Variants in LGSN observed in about 807,000 individuals in gnomAD.
LGSN encodes the protein lengsin.
LGSN carries 21 observed loss-of-function variants against 19.5 expected under a neutral mutation model. That is an observed-to-expected ratio of 1.07 (90% CI 0.76 to 1.55). LGSN has a LOEUF of 1.55. Among genes scored for constraint, LGSN ranks in the 40% most tolerant of loss-of-function variants. The pLI is 0.00. For synonymous variants in LGSN, 257 were observed against 215.6 expected, an observed-to-expected ratio of 1.19 and a Z score of -1.68; for missense variants, 673 against 608.5, an observed-to-expected ratio of 1.11 and a Z score of -1.12.
the LGSN span, among the ~76,000 whole-genome samples, chr6:63,510,452 CTTTT>C: frequency 1.6e-5 from 2 of 124,280 alleles, no homozygotes; most frequent in South Asian, 2.5e-4. Context: ...GACTACCTTT[CTTTT>C]TTTTTTTTTT....
chr6:63,376,399 T>C, the LGSN span, among the ~76,000 whole-genome samples: 2 of 152,332 alleles, frequency 1.3e-5, no homozygotes, highest in South Asian at 4.1e-4. Context: ...CTTTTCTTAA[T>C]CAATACTTTC....
At chr6:63,469,740 T>C in the LGSN span, among the ~76,000 whole-genome samples, 1 of 152,254 alleles carries the variant, frequency 6.6e-6, no homozygotes, top group Non-Finnish European at 1.5e-5. Flanking sequence ...TTGTTTTTGT[T>C]TTTGAAACGG....
the LGSN span, among the ~76,000 whole-genome samples, chr6:63,472,037 A>C: frequency 6.6e-6 from 1 of 152,180 alleles, no homozygotes; most frequent in Non-Finnish European, 1.5e-5. Flanking sequence ...CCTCACCCTA[A>C]CTTTATTTCT....
At chr6:63,446,131 T>C in the LGSN span, among the ~76,000 whole-genome samples, 1 of 148,916 alleles carries the variant, frequency 6.7e-6, no homozygotes, top group African/African-American at 2.5e-5. Context: ...ATTCCTGTAG[T>C]CCCAACTACT....
rs1270210815 is a variant in LGSN at position 63,279,928 on chromosome 6, CTGT to C, written c.*90_*92del. 24 of 1,148,762 alleles carry C rather than the reference CTGT, an allele frequency of 2.1e-5. No homozygotes were observed. Among genetic ancestry groups the C allele is most frequent in the Non-Finnish European group, 2.7e-5 (22 of 807,618 alleles). The allele number at this position is 1,148,762 out of a possible 1,614,324, so 71.2% of individuals were successfully genotyped here. On this transcript the variant is annotated 3_prime_UTR_variant, in exon 4 of 4. Coordinates refer to ENST00000370657, the MANE Select transcript of LGSN (RefSeq NM_016571.3). ...AGCATTCGTAATCTTGTTATTGTTG[CTGT>C]TGTTAATTACAAAAGTTCAGTCTTT...
At chr6:63,489,049 T>C in the LGSN span, among the ~76,000 whole-genome samples, 7 of 152,192 alleles carry the variant, frequency 4.6e-5, no homozygotes, top group African/African-American at 1.2e-4. Flanking sequence ...TAAAATAATA[T>C]TGAATTTTTG....
chr6:63,572,515 C>CCGGCTCGGCTACGCGCT, the LGSN span: 9 of 391,118 alleles, frequency 2.3e-5, no homozygotes, highest in South Asian at 3.8e-4. Context: ...CGGCTGCGGG[C>CCGGCTCGGCTACGCGCT]CGGCTCGGCT....
the LGSN span, among the ~76,000 whole-genome samples, chr6:63,496,659 G>C: frequency 4.2e-4 from 62 of 147,850 alleles, no homozygotes; most frequent in African/African-American, 1.6e-3. Flanking sequence ...TGCAATTATA[G>C]ATTACTATAA....
the LGSN span, among the ~76,000 whole-genome samples, chr6:63,373,185 C>T: frequency 1.3e-5 from 2 of 152,190 alleles, no homozygotes; most frequent in Non-Finnish European, 2.9e-5. Context: ...ACCTCCTCCA[C>T]AGCCATTTTG....
the LGSN span, among the ~76,000 whole-genome samples, chr6:63,458,836 G>A: frequency 1.3e-5 from 2 of 152,156 alleles, no homozygotes; most frequent in Non-Finnish European, 2.9e-5. Context: ...TACCTTCCAT[G>A]CAGTGTATTT....
the LGSN span, among the ~76,000 whole-genome samples, chr6:63,333,565 G>GGAGA: frequency 7.3e-6 from 1 of 137,644 alleles, no homozygotes; most frequent in East Asian, 2.2e-4. Flanking sequence ...AAGGAAGGAA[G>GGAGA]GAGAGAGAGA....
At chr6:63,360,466 T>C in the LGSN span, among the ~76,000 whole-genome samples, 1 of 152,252 alleles carries the variant, frequency 6.6e-6, no homozygotes, top group Non-Finnish European at 1.5e-5. Context: ...TACTGAGGCT[T>C]GTGCATTCAT....
At chr6:63,400,954 A>T in the LGSN span, among the ~76,000 whole-genome samples, 3 of 152,170 alleles carry the variant, frequency 2.0e-5, no homozygotes, top group African/African-American at 7.2e-5. Flanking sequence ...AAATGGCACC[A>T]TTGCACTCCA....
intron 1 of LGSN, 52 bp downstream of exon 1, chr6:63,319,862 A>G: frequency 7.6e-7 from 1 of 1,311,946 alleles, no homozygotes; most frequent in Non-Finnish European, 1.1e-6. Flanking sequence ...TTTTTTAAAA[A>G]GATTTACTGT....
At chr6:63,315,107 T>G (rs1768787457) in intron 1 of LGSN, among the ~76,000 whole-genome samples, 1 of 152,210 alleles carries the variant, frequency 6.6e-6, no homozygotes, top group African/African-American at 2.4e-5. Flanking sequence ...TCTTAGAAGG[T>G]GGCATTTAGA....
At chr6:63,391,564 T>A in the LGSN span, among the ~76,000 whole-genome samples, 1 of 152,206 alleles carries the variant, frequency 6.6e-6, no homozygotes, top group Non-Finnish European at 1.5e-5. Flanking sequence ...AGGTCTGTGT[T>A]AGCTTTTACT....
chr6:63,293,739 G>T (rs948603833), intron 2 of LGSN: 1 of 456,598 alleles, frequency 2.2e-6, no homozygotes. Flanking sequence ...TATCACTGTT[G>T]TCTCATCCTG....
At chr6:63,299,250 T>A (rs1361002749) in intron 1 of LGSN, among the ~76,000 whole-genome samples, 1 of 152,224 alleles carries the variant, frequency 6.6e-6, no homozygotes, top group Non-Finnish European at 1.5e-5. Context: ...GAAATTTACA[T>A]CTATAAAGGA....
the LGSN span, among the ~76,000 whole-genome samples, chr6:63,405,133 ACTCATCATTTTT>A: frequency 6.7e-4 from 102 of 151,678 alleles, 1 homozygote; most frequent in African/African-American, 2.4e-3. Context: ...AAGGACATGA[ACTCATCATTTTT>A]TGTGGCTGCA....
Sources: gnomAD v4.1 joint callset for allele counts (sites outside exome capture counted in the v4.1 genomes callset) on GRCh38, gnomAD v4.1.1 for gene constraint, MANE v1.5 for transcripts, NCBI Gene and HGNC (gene_info 2026-07-23, HGNC 2026-07-21) for gene names.